PLXDC2: variants seen among roughly 807,000 people sequenced by gnomAD.
PLXDC2 encodes plexin domain-containing protein 2.
A neutral mutation model predicts 68.9 loss-of-function variants in PLXDC2; 40 were observed. The observed-to-expected ratio is 0.58, with a 90% CI of 0.45 to 0.76. The LOEUF is 0.76. Among genes scored for constraint, PLXDC2 ranks in the 30% least tolerant of loss-of-function variants. The pLI is 0.00. For synonymous variants in PLXDC2, 243 were observed against 234.2 expected (o/e 1.04, Z -0.34); for missense variants, 644 against 661.9 (o/e 0.97, Z 0.30).
intron 1 of PLXDC2, among the ~76,000 whole-genome samples, chr10:19,975,078 C>A (rs778641243): frequency 2.4e-4 from 36 of 152,150 alleles, no homozygotes; most frequent in Non-Finnish European, 4.6e-4. Context: ...TAGCTATTTT[C>A]TCATGGTATT....
intron 9 of PLXDC2, among the ~76,000 whole-genome samples, chr10:20,186,660 G>A (rs749018570): frequency 6.6e-6 from 1 of 151,934 alleles, no homozygotes; most frequent in Non-Finnish European, 1.5e-5. Flanking sequence ...ATGAAAACAT[G>A]CAGTATTTGG....
chr10:20,118,913 T>A (rs1180013834), intron 4 of PLXDC2, among the ~76,000 whole-genome samples: 1 of 147,386 alleles, frequency 6.8e-6, no homozygotes, highest in East Asian at 2.1e-4. Flanking sequence ...AGAATTTACA[T>A]TGAAGCCTTT....
chr10:20,125,415 C>G (rs925689220), intron 4 of PLXDC2, among the ~76,000 whole-genome samples: 1 of 151,838 alleles, frequency 6.6e-6, no homozygotes, highest in South Asian at 2.1e-4. Flanking sequence ...TGAACAAAAT[C>G]CAACCTGTTT....
intron 1 of PLXDC2, among the ~76,000 whole-genome samples, chr10:19,976,760 TG>T (rs1834463582): frequency 6.6e-6 from 1 of 152,126 alleles, no homozygotes; most frequent in Admixed American, 6.6e-5. Context: ...CCCTTTTGTG[TG>T]TGTGTGGGTG....
chr10:19,870,038 A>G (rs1837504214), intron 1 of PLXDC2, among the ~76,000 whole-genome samples: 2 of 152,366 alleles, frequency 1.3e-5, no homozygotes, highest in East Asian at 1.9e-4. Flanking sequence ...TGAGACTCAC[A>G]TAGTCTTGGA....
Position 20,280,964 on chromosome 10 carries a change from A to T in PLXDC2, c.*1145A>T, listed in dbSNP as rs1313815669. On this transcript the variant is annotated 3_prime_UTR_variant, in exon 14 of 14. Coordinates refer to ENST00000377252, the MANE Select transcript of PLXDC2 (RefSeq NM_032812.9). ...AACTAACACAAGGCAGGATCTTGTG[A>T]CTCTAAGAGTGCGTTTTGTCATCAA... is the stretch of plus-strand genomic sequence containing the variant. 1 of 152,040 alleles carries T rather than the reference A, an allele frequency of 6.6e-6. No individual in the cohort carries two copies. Among genetic ancestry groups the T allele is most frequent in the African/African-American group, 2.4e-5 (1 of 41,406 alleles). 9.4% of individuals were successfully genotyped at this position (152,040 alleles called of 1,614,324 possible). A position where few individuals can be genotyped will look rare whatever the true frequency, so the allele number is the denominator to read the frequency against.
intron 1 of PLXDC2, among the ~76,000 whole-genome samples, chr10:19,916,055 C>T (rs1460754174): frequency 1.3e-5 from 2 of 150,900 alleles, no homozygotes; most frequent in Non-Finnish European, 2.9e-5. Flanking sequence ...TGGAAATGCT[C>T]TGTGGGTAAG....
intron 1 of PLXDC2, among the ~76,000 whole-genome samples, chr10:19,920,152 G>C (rs1032161881): frequency 1.3e-5 from 2 of 152,200 alleles, no homozygotes; most frequent in Admixed American, 1.3e-4. Flanking sequence ...TCCTGTGGCT[G>C]TCATGGTTGC....
At position 20,219,070 on chromosome 10, in the gene PLXDC2, C is replaced by T; in HGVS notation, c.1280C>T (p.Thr427Ile). 1 of 1,607,266 alleles carries T rather than the reference C, an allele frequency of 6.2e-7. No homozygotes were observed. Among genetic ancestry groups the T allele is most frequent in the South Asian group, 1.1e-5 (1 of 90,080 alleles). The change falls in exon 12 of 14, where the codon ACC becomes ATC. Residue 427 changes from threonine to isoleucine, a missense_variant. Thr to Ile is a moderately conservative substitution (Grantham distance 89). Coordinates refer to ENST00000377252, the MANE Select transcript of PLXDC2 (RefSeq NM_032812.9). Reference sequence around the variant, plus strand: ...CTTTGAATTTCTCTTCCAGATGATACCAAGATAGCACTACATCTAAAAGAT... The same window carrying T: ...CTTTGAATTTCTCTTCCAGATGATATCAAGATAGCACTACATCTAAAAGAT... ...FPTSLPTEDD[T>I]KIALHLKDNG...
At chr10:20,146,946 T>C (rs1247643100) in intron 5 of PLXDC2, among the ~76,000 whole-genome samples, 1 of 152,154 alleles carries the variant, frequency 6.6e-6, no homozygotes, top group Non-Finnish European at 1.5e-5. Context: ...ACAGTTTTTC[T>C]AACCAAACAG....
intron 1 of PLXDC2, among the ~76,000 whole-genome samples, chr10:19,838,812 T>C (rs1416397972): frequency 6.6e-6 from 1 of 152,188 alleles, no homozygotes; most frequent in Non-Finnish European, 1.5e-5. Context: ...GCAAACTGGA[T>C]TGTGGTGCTC....
chr10:20,021,056 CA>C (rs1264712241), intron 2 of PLXDC2, among the ~76,000 whole-genome samples: 1 of 152,084 alleles, frequency 6.6e-6, no homozygotes, highest in Non-Finnish European at 1.5e-5. Context: ...CGTCACTAAA[CA>C]AAATATAGTA....
rs1836111019 is a variant in PLXDC2, at chr10:20,283,713, G to A, written c.*3894G>A. 1.3e-5 allele frequency: 2 copies of A among 152,040 alleles called. No homozygotes were observed. The highest frequency in any genetic ancestry group is 2.1e-4 in the South Asian group (1 of 4,814). 9.4% of individuals were successfully genotyped at this position (152,040 alleles called of 1,614,324 possible). A position where few individuals can be genotyped will look rare whatever the true frequency, so the allele number is the denominator to read the frequency against. ...CCACTTAGCTTCTCTAGTTTCTTAT[G>A]ATTTCCTATTTTACACTTAACAGCA... On this transcript the variant is annotated 3_prime_UTR_variant, in exon 14 of 14. Coordinates refer to ENST00000377252, the MANE Select transcript of PLXDC2 (RefSeq NM_032812.9).
At chr10:20,234,323 G>A (rs147574184) in intron 12 of PLXDC2, among the ~76,000 whole-genome samples, 10 of 152,248 alleles carry the variant, frequency 6.6e-5, no homozygotes, top group African/African-American at 1.9e-4. Flanking sequence ...TCAACTAAAC[G>A]TGTTCTGTTC....
chr10:19,960,227 G>A (rs903410765), intron 1 of PLXDC2, among the ~76,000 whole-genome samples: 2 of 150,612 alleles, frequency 1.3e-5, no homozygotes, highest in African/African-American at 2.4e-5. Flanking sequence ...TAGCCAGGGT[G>A]GTAGTGCACA....
At chr10:19,853,652 T>TGGGGGGGGGGGGG (rs10563076) in intron 1 of PLXDC2, among the ~76,000 whole-genome samples, 1 of 129,112 alleles carries the variant, frequency 7.7e-6, no homozygotes, top group Non-Finnish European at 1.8e-5. Flanking sequence ...CTGCTTTGGG[T>TGGGGGGGGGGGGG]GGGGGGGGGG....
intron 2 of PLXDC2, among the ~76,000 whole-genome samples, chr10:20,025,358 G>A (rs1162816512): frequency 1.3e-5 from 2 of 151,792 alleles, no homozygotes; most frequent in African/African-American, 4.8e-5. Context: ...CCACCTCCCA[G>A]GTTCAATGAT....
At chr10:20,081,525 A>G (rs1836558487) in intron 4 of PLXDC2, among the ~76,000 whole-genome samples, 1 of 152,182 alleles carries the variant, frequency 6.6e-6, no homozygotes, top group South Asian at 2.1e-4. Flanking sequence ...GAAGAAAAAG[A>G]GAAAGAATAA....
In PLXDC2 at chr10:19,816,708, G is replaced by A. The variant is rs568341007; in HGVS notation, c.-372G>A. The A allele has an allele frequency of 2.7e-5, 10 of 366,384 alleles. No homozygotes were observed. The South Asian group carries it at 3.0e-4, about 11-fold the overall frequency. The allele number at this position is 366,384 out of a possible 1,614,324, so 22.7% of individuals were successfully genotyped here. A position where few individuals can be genotyped will look rare whatever the true frequency, so the allele number is the denominator to read the frequency against. On this transcript the variant is annotated 5_prime_UTR_variant, in exon 1 of 14. Transcript: ENST00000377252. The stretch of plus-strand genomic sequence containing the variant: ...AGATCTGTTTTGAACCCAGTGGAGC[G>A]CATCGCTGGGGCTCGGAAGTCACCG...
Sources: gnomAD v4.1 joint callset for allele counts (sites outside exome capture counted in the v4.1 genomes callset) on GRCh38, gnomAD v4.1.1 for gene constraint, MANE v1.5 for transcripts, NCBI Gene and HGNC (gene_info 2026-07-23, HGNC 2026-07-21) for gene names.